PEBP4: variants seen among roughly 807,000 people sequenced by gnomAD.
PEBP4 encodes the protein phosphatidylethanolamine-binding protein 4.
PEBP4 carries 22 observed loss-of-function variants against 23.9 expected under a neutral mutation model. That is an observed-to-expected ratio of 0.92 (90% confidence interval 0.66 to 1.31). The LOEUF (loss-of-function observed/expected upper bound fraction) is 1.31, where lower values mean the gene tolerates loss of function less well. Among genes scored for constraint, PEBP4 ranks in the 40% most tolerant of loss-of-function variants. PEBP4 has a pLI of 0.00. For synonymous variants in PEBP4, 112 were observed against 99.3 expected (o/e 1.13, Z -0.76); for missense variants, 324 against 281.7 (o/e 1.15, Z -1.07).
chr8:22,787,766 C>T (rs1167519356), intron 4 of PEBP4, among the ~76,000 whole-genome samples: 2 of 152,110 alleles, frequency 1.3e-5, no homozygotes, highest in Non-Finnish European at 2.9e-5. Flanking sequence ...GTGCTAAGTT[C>T]CCTGATGGGG....
intron 6 of PEBP4, among the ~76,000 whole-genome samples, chr8:22,714,575 A>C (rs1467195603): frequency 6.6e-6 from 1 of 151,936 alleles, no homozygotes; most frequent in Admixed American, 6.6e-5. Context: ...GCAACCTCCC[A>C]GGGTGGAGAG....
rs370013370 is a variant in PEBP4 at position 22,890,516 on chromosome 8, C to T, written c.258+29668G>A. On this transcript the variant is annotated intron_variant, in intron 3 of 6. Transcript: ENST00000256404. ...ATTTACATGGGGAAGGTATCATTAGCCCTATCTTTCAAACTCCCAGCTTCC... is the reference window on the plus strand; with the variant it reads ...ATTTACATGGGGAAGGTATCATTAGTCCTATCTTTCAAACTCCCAGCTTCC... Among the ~76,000 whole-genome samples the T allele has an allele frequency of 4.3e-4, 66 of 152,334 alleles. 1 individual carries two copies. In the East Asian group the frequency reaches 7.9e-3, roughly 18 times the overall value.
chr8:22,821,540 A>C (rs1326805453), intron 3 of PEBP4, among the ~76,000 whole-genome samples: 2 of 152,104 alleles, frequency 1.3e-5, no homozygotes, highest in Non-Finnish European at 2.9e-5. Flanking sequence ...CAACAGGGAG[A>C]GATGCCCTGT....
At chr8:22,871,597 C>T (rs1397354845) in intron 3 of PEBP4, among the ~76,000 whole-genome samples, 1 of 145,890 alleles carries the variant, frequency 6.9e-6, no homozygotes, top group African/African-American at 2.6e-5. Context: ...ACTCTGTTGC[C>T]AGACTGGAGT....
At chr8:22,825,277 G>C (rs1806944472) in intron 3 of PEBP4, among the ~76,000 whole-genome samples, 1 of 152,236 alleles carries the variant, frequency 6.6e-6, no homozygotes, top group Admixed American at 6.5e-5. Flanking sequence ...GGTCCATGGA[G>C]CTGACAGGAT....
rs549909045 is a variant in PEBP4, at chr8:22,819,508, A to G, written c.259-1773T>C. Among the ~76,000 whole-genome samples the G allele has an allele frequency of 2.0e-5, 3 of 152,336 alleles. No homozygotes were observed. The South Asian group carries it at 6.2e-4, about 32-fold the overall frequency. On this transcript the variant is annotated intron_variant, in intron 3 of 6. Transcript: ENST00000256404. ...TAGCTGTTAGAGATAGCTATTAAAG[A>G]TGATCATAAAAAGGGAAATTTTGGT...
At chr8:22,877,365 C>A (rs1188594610) in intron 3 of PEBP4, among the ~76,000 whole-genome samples, 2 of 152,122 alleles carry the variant, frequency 1.3e-5, no homozygotes, top group Non-Finnish European at 2.9e-5. Flanking sequence ...ATCAAACCAA[C>A]CTCCTGGTTG....
chr8:22,816,901 A>G (rs1806752772), intron 4 of PEBP4, among the ~76,000 whole-genome samples: 1 of 152,248 alleles, frequency 6.6e-6, no homozygotes, highest in East Asian at 1.9e-4. Context: ...TGTATATGAT[A>G]TAGAGCATAC....
chr8:22,925,676 G>T (rs1213161601), intron 2 of PEBP4, among the ~76,000 whole-genome samples: 1 of 152,136 alleles, frequency 6.6e-6, no homozygotes, highest in Non-Finnish European at 1.5e-5. Context: ...CCTCAGGCTG[G>T]TCACCCCCAA....
intron 4 of PEBP4, among the ~76,000 whole-genome samples, chr8:22,758,554 A>G (rs915924940): frequency 1.3e-5 from 2 of 152,100 alleles, no homozygotes; most frequent in Non-Finnish European, 2.9e-5. Flanking sequence ...TTGGAAATGG[A>G]CAGAAAAGCC....
intron 3 of PEBP4, among the ~76,000 whole-genome samples, chr8:22,822,922 A>C (rs1424025281): frequency 6.6e-6 from 1 of 152,076 alleles, no homozygotes; most frequent in Non-Finnish European, 1.5e-5. Context: ...TCCTAAATAG[A>C]TGTTTTGTGA....
At chr8:22,825,475 T>C (rs971694143) in intron 3 of PEBP4, among the ~76,000 whole-genome samples, 4 of 152,216 alleles carry the variant, frequency 2.6e-5, no homozygotes, top group East Asian at 1.9e-4. Context: ...AGAGACTGTT[T>C]TATACTTCTG....
At chr8:22,799,602 G>A (rs577201099) in intron 4 of PEBP4, among the ~76,000 whole-genome samples, 15 of 152,260 alleles carry the variant, frequency 9.9e-5, no homozygotes, top group Middle Eastern at 3.4e-3. Flanking sequence ...TGTGCACAAC[G>A]TGCAGGTTTG....
intron 3 of PEBP4, among the ~76,000 whole-genome samples, chr8:22,867,504 G>A (rs1807930853): frequency 6.6e-6 from 1 of 152,148 alleles, no homozygotes. Context: ...GCGGAAGGCA[G>A]GTCTTGTCCT....
At chr8:22,791,171 G>A (rs147046963) in intron 4 of PEBP4, among the ~76,000 whole-genome samples, 7 of 152,136 alleles carry the variant, frequency 4.6e-5, no homozygotes, top group African/African-American at 1.4e-4. Context: ...TGGATTCCAC[G>A]GGCTTCTGGG....
At chr8:22,780,014 T>C (rs545820621) in intron 4 of PEBP4, among the ~76,000 whole-genome samples, 2 of 151,844 alleles carry the variant, frequency 1.3e-5, no homozygotes, top group African/African-American at 4.8e-5. Context: ...AGTGGCACGA[T>C]CACGGCTCAC....
At chr8:22,746,133 T>TG (rs367841985) in intron 4 of PEBP4, among the ~76,000 whole-genome samples, 1 of 151,810 alleles carries the variant, frequency 6.6e-6, no homozygotes, top group African/African-American at 2.4e-5. Flanking sequence ...TCCTTTTTTT[T>TG]TCCCCTGCAA....
At chr8:22,785,628 G>A (rs932179851) in intron 4 of PEBP4, among the ~76,000 whole-genome samples, 6 of 152,184 alleles carry the variant, frequency 3.9e-5, no homozygotes, top group Admixed American at 6.5e-5. Context: ...GTGTGAAGGA[G>A]TCAGATGGGC....
intron 2 of PEBP4, chr8:22,924,569 T>C: frequency 9.7e-6 from 7 of 723,652 alleles, no homozygotes; most frequent in Non-Finnish European, 1.2e-5. Context: ...CAGGTAGGGT[T>C]GGTGTTCAAG....
Sources: allele counts gnomAD v4.1 joint callset (sites outside exome capture counted in the v4.1 genomes callset), GRCh38; gene constraint gnomAD v4.1.1; transcripts MANE v1.5; gene names NCBI Gene and HGNC (gene_info 2026-07-23, HGNC 2026-07-21).